ABCC1: variants seen among roughly 807,000 people sequenced by gnomAD.
ABCC1 encodes ATP binding cassette subfamily C member 1 (ABCC1 blood group).
A neutral mutation model predicts 172.9 loss-of-function variants in ABCC1; 83 were observed. The ratio of observed to expected loss-of-function variants is 0.48; its 90% confidence interval spans 0.40 to 0.58. The LOEUF (loss-of-function observed/expected upper bound fraction) is 0.58. Ranked by LOEUF, ABCC1 falls within the 20% of genes least tolerant of loss-of-function variation. ABCC1 has a pLI of 0.00. For synonymous variants in ABCC1, 937 were observed against 825.2 expected (o/e 1.14, Z -2.32); for missense variants, 1,817 against 2,002.7 (o/e 0.91, Z 1.77).
In ABCC1 at chr16:16,016,580, T is replaced by C; in HGVS notation, c.574T>C (p.Ser192Pro). Reference protein sequence around the residue: ...LLIQLVLSCFSDRSPLFSETI... With the variant: ...LLIQLVLSCFPDRSPLFSETI... The stretch of plus-strand genomic sequence containing the variant: ...CATTCAGCTCGTCTTGTCCTGTTTC[T>C]CAGATCGCTCACCCCTGTTCTCGGA... The change falls in exon 5 of 31, where the codon TCA (serine) becomes CCA (proline). Residue 192 changes from serine to proline, a missense_variant. Physicochemically the swap from Ser to Pro is moderately conservative, Grantham distance 74. Transcript: ENST00000399410. The C allele has an allele frequency of 1.2e-6, 2 of 1,614,208 alleles. No individual in the cohort carries two copies. The highest frequency in any genetic ancestry group is 1.7e-6 in the Non-Finnish European group (2 of 1,180,042).
intron 13 of ABCC1, among the ~76,000 whole-genome samples, chr16:16,070,921 A>G (rs559473691): frequency 1.1e-4 from 16 of 152,234 alleles, no homozygotes; most frequent in Admixed American, 1.0e-3. Flanking sequence ...CAAACTAACA[A>G]TAAGTTTTTA....
chr16:16,089,927 A>G (rs2051173715), intron 18 of ABCC1, among the ~76,000 whole-genome samples: 1 of 150,610 alleles, frequency 6.6e-6, no homozygotes, highest in Non-Finnish European at 1.5e-5. Flanking sequence ...TTGCTGTGGC[A>G]CCATCCTTTT....
At chr16:16,140,646 T>A (rs1217787665) in intron 30 of ABCC1, among the ~76,000 whole-genome samples, 1 of 152,260 alleles carries the variant, frequency 6.6e-6, no homozygotes, top group East Asian at 1.9e-4. Flanking sequence ...CAGCCAACTA[T>A]GGCCCACAGG....
chr16:16,046,183 C>T (rs557647761), intron 9 of ABCC1, among the ~76,000 whole-genome samples, 170 bp downstream of exon 9: 10 of 152,200 alleles, frequency 6.6e-5, no homozygotes, highest in Non-Finnish European at 1.0e-4. Flanking sequence ...AGGCATTGTA[C>T]GTTAGGAAAG....
At chr16:16,113,482 C>T (rs1268411231) in intron 22 of ABCC1, among the ~76,000 whole-genome samples, 1 of 152,150 alleles carries the variant, frequency 6.6e-6, no homozygotes, top group African/African-American at 2.4e-5. Context: ...TGGCAAAACC[C>T]TGTTTCTACA....
chr16:16,140,642 A>G (rs2046091213), intron 30 of ABCC1, among the ~76,000 whole-genome samples: 1 of 152,212 alleles, frequency 6.6e-6, no homozygotes, highest in Non-Finnish European at 1.5e-5. Context: ...GGGTCAGCCA[A>G]CTATGGCCCA....
intron 5 of ABCC1, among the ~76,000 whole-genome samples, chr16:16,030,840 C>T (rs1023010441): frequency 9.2e-5 from 14 of 151,790 alleles, no homozygotes; most frequent in Admixed American, 2.6e-4. Flanking sequence ...GGGTAGGGCC[C>T]GGATACAGTA....
In ABCC1 at chr16:16,039,198, C is replaced by T. The variant is rs182849741; in HGVS notation, c.809+2595C>T. On this transcript the variant is annotated intron_variant, in intron 7 of 30. Transcript: ENST00000399410. Reference sequence around the variant, plus strand: ...ATGAGGAAATGAGGGTGAGAGTAACCGAGGAAGCTTTTGTGTGTGTGTGTG... The same window carrying T: ...ATGAGGAAATGAGGGTGAGAGTAACTGAGGAAGCTTTTGTGTGTGTGTGTG... Among the ~76,000 whole-genome samples the T allele has an allele frequency of 7.1e-3, 1,033 of 145,240 alleles. 11 individuals are homozygous for T. Among genetic ancestry groups the T allele is most frequent in the African/African-American group, 0.025 (967 of 38,184 alleles).
chr16:15,974,412 G>A (rs16967227), intron 1 of ABCC1, among the ~76,000 whole-genome samples: 20,833 of 152,060 alleles, frequency 0.14, 1,558 homozygotes, highest in African/African-American at 0.15. Flanking sequence ...TTAATTGAGC[G>A]GTTACAGAGT....
chr16:16,033,458 A>G (rs540102805), intron 6 of ABCC1, among the ~76,000 whole-genome samples: 1 of 152,236 alleles, frequency 6.6e-6, no homozygotes, highest in African/African-American at 2.4e-5. Context: ...CTTTAGCTTC[A>G]GATTTGGGTT....
At chr16:16,125,186 A>G (rs766335560) in intron 25 of ABCC1, among the ~76,000 whole-genome samples, 6 of 152,198 alleles carry the variant, frequency 3.9e-5, no homozygotes, top group Non-Finnish European at 5.9e-5. Flanking sequence ...TTTTAAAGCT[A>G]TGAATTTCCC....
intron 1 of ABCC1, among the ~76,000 whole-genome samples, chr16:15,987,691 A>ATGCTCCT (rs1158346789): frequency 1.3e-5 from 2 of 152,214 alleles, no homozygotes; most frequent in African/African-American, 4.8e-5. Flanking sequence ...CATCAACTCC[A>ATGCTCCT]TGCTCCTCAG....
chr16:15,983,304 G>A (rs557784588), intron 1 of ABCC1, among the ~76,000 whole-genome samples: 39 of 152,246 alleles, frequency 2.6e-4, no homozygotes, highest in African/African-American at 9.4e-4. Context: ...ACAGTGAGTT[G>A]GGGCTGAACC....
At chr16:15,978,412 T>C (rs959016564) in intron 1 of ABCC1, among the ~76,000 whole-genome samples, 2 of 152,122 alleles carry the variant, frequency 1.3e-5, no homozygotes, top group African/African-American at 4.8e-5. Flanking sequence ...AAAACAGGTA[T>C]TGTCCTTGCT....
chr16:16,055,347 C>T (rs893636837), intron 11 of ABCC1, among the ~76,000 whole-genome samples: 5 of 151,780 alleles, frequency 3.3e-5, no homozygotes, highest in African/African-American at 7.3e-5. Context: ...GTCAGGAGTT[C>T]GAAACCAGCC....
chr16:16,130,321 ATAAATATTTATT>A (rs1198980988), intron 26 of ABCC1, among the ~76,000 whole-genome samples: 1 of 151,800 alleles, frequency 6.6e-6, no homozygotes, highest in Admixed American at 6.5e-5. Context: ...GACTCCATTT[ATAAATATTTATT>A]TAAATTTTTT....
intron 1 of ABCC1, among the ~76,000 whole-genome samples, chr16:15,991,758 A>ACTT (rs774590103): frequency 3.9e-5 from 6 of 152,042 alleles, no homozygotes; most frequent in Non-Finnish European, 8.8e-5. Flanking sequence ...TAAATGTGCT[A>ACTT]AGGCCATACA....
Position 15,949,803 on chromosome 16 carries a change from C to G in ABCC1, c.48+4C>G, listed in dbSNP as rs1355202419. 1.7e-6 allele frequency: 2 copies of G among 1,194,576 alleles called. No homozygotes were observed. The highest frequency in any genetic ancestry group is 2.1e-6 in the Non-Finnish European group (2 of 963,922). The allele number at this position is 1,194,576 out of a possible 1,614,324, so 74.0% of individuals were successfully genotyped here. On this transcript the variant is annotated splice_donor_region_variant and intron_variant, in intron 1 of 30. Coordinates refer to ENST00000399410, the MANE Select transcript of ABCC1 (RefSeq NM_004996.4). ...CGATGGCTCCGACCCGCTCTGGGTA[C>G]GTGCCGGGGGCCGCGTGAGGCCGGC...
At chr16:16,117,410 T>C (rs1310218628) in intron 23 of ABCC1, among the ~76,000 whole-genome samples, 1 of 152,042 alleles carries the variant, frequency 6.6e-6, no homozygotes, top group Non-Finnish European at 1.5e-5. Context: ...CCATGACACA[T>C]GGGGATTAAG....
Sources: allele counts gnomAD v4.1 joint callset (sites outside exome capture counted in the v4.1 genomes callset), GRCh38; gene constraint gnomAD v4.1.1; transcripts MANE v1.5; gene names NCBI Gene and HGNC (gene_info 2026-07-23, HGNC 2026-07-21).